Variants in UBXN2A observed in about 807,000 individuals in gnomAD.
The protein encoded by UBXN2A is UBX domain protein 2A.
Under a neutral mutation model 28.4 loss-of-function variants are expected in UBXN2A, and 28 were observed. That is an observed-to-expected ratio of 0.99 (90% CI 0.73 to 1.35). The LOEUF (loss-of-function observed/expected upper bound fraction) is 1.35. Among genes scored for constraint, UBXN2A ranks in the 40% most tolerant of loss-of-function variants. The pLI, the probability that UBXN2A is intolerant of heterozygous loss-of-function variation, is 0.00. For missense variants in UBXN2A, 253 were observed against 297.9 expected (o/e 0.85, Z 1.11); for synonymous variants, 97 against 103.6 (o/e 0.94, Z 0.39).
intron 1 of UBXN2A, chr2:23,944,315 T>C: frequency 6.2e-7 from 1 of 1,604,464 alleles, no homozygotes; most frequent in Non-Finnish European, 8.5e-7. Flanking sequence ...TTGTCCTGGT[T>C]CTTACTGTGT....
In UBXN2A at chr2:23,987,983, C is replaced by T. The variant is rs1193880839; in HGVS notation, c.584+3152C>T. Among the ~76,000 whole-genome samples, 22 of 151,384 alleles carry T rather than the reference C, an allele frequency of 1.5e-4. No individual in the cohort carries two copies. The South Asian group carries it at 3.8e-3, about 26-fold the overall frequency. On this transcript the variant is annotated intron_variant, in intron 6 of 6. Transcript: ENST00000309033. ...CTAAAAATACAAAAAATTAGCTGGC[C>T]GTCGTGGCGTATGTCTGTAATCTCA...
intron 1 of UBXN2A, among the ~76,000 whole-genome samples, chr2:23,947,600 A>G (rs1181593211): frequency 2.0e-5 from 3 of 152,202 alleles, no homozygotes; most frequent in Non-Finnish European, 4.4e-5. Flanking sequence ...GTTCATTTGC[A>G]TGTTACTAAA....
At chr2:23,984,882 A>G (rs771291520) in intron 6 of UBXN2A, 51 bp downstream of exon 6, 31 of 1,521,758 alleles carry the variant, frequency 2.0e-5, no homozygotes, top group Admixed American at 2.6e-5. Flanking sequence ...TTAAAATTTC[A>G]TTTTTTCTTT....
In UBXN2A at chr2:24,000,018, T is replaced by C. The variant is rs1399978317; in HGVS notation, c.*151T>C. 1.4e-5 allele frequency: 10 copies of C among 708,988 alleles called. No homozygotes were observed. The highest frequency in any genetic ancestry group is 2.1e-5 in the Non-Finnish European group (9 of 437,166). The allele number at this position is 708,988 out of a possible 1,614,324, so 43.9% of individuals were successfully genotyped here. On this transcript the variant is annotated 3_prime_UTR_variant, in exon 7 of 7. Coordinates refer to ENST00000309033, the MANE Select transcript of UBXN2A (RefSeq NM_181713.4). Reference sequence around the variant, plus strand: ...CCTGATGAGAAGATGTTTAGATAAGTACAAGTTAAGAAAGTAGCATATGAC... The same window carrying C: ...CCTGATGAGAAGATGTTTAGATAAGCACAAGTTAAGAAAGTAGCATATGAC...
In UBXN2A at chr2:24,001,955, T is replaced by A. The variant is rs996117258; in HGVS notation, c.*2088T>A. The A allele has an allele frequency of 9.4e-5, 14 of 148,938 alleles. No individual in the cohort carries two copies. Among genetic ancestry groups the A allele is most frequent in the Non-Finnish European group, 1.5e-5 (1 of 67,528 alleles). 9.2% of individuals were successfully genotyped at this position (148,938 alleles called of 1,614,324 possible). Reference sequence around the variant, plus strand: ...CAGCCTGGTGACGGAGCGAGACTCTTTCTCAAAAAAAAAAAATTATTCATT... The same window carrying A: ...CAGCCTGGTGACGGAGCGAGACTCTATCTCAAAAAAAAAAAATTATTCATT... On this transcript the variant is annotated 3_prime_UTR_variant, in exon 7 of 7. Transcript: ENST00000309033.
At chr2:23,994,997 G>T (rs1272111892) in intron 6 of UBXN2A, among the ~76,000 whole-genome samples, 1 of 152,214 alleles carries the variant, frequency 6.6e-6, no homozygotes, top group Admixed American at 6.5e-5. Flanking sequence ...AAACTCTAGA[G>T]TCTGTGTGCC....
chr2:23,947,196 A>C (rs1362140343), intron 1 of UBXN2A, among the ~76,000 whole-genome samples: 2 of 152,176 alleles, frequency 1.3e-5, no homozygotes, highest in East Asian at 1.9e-4. Flanking sequence ...GCCTAACGTA[A>C]GCATTTTAAA....
intron 2 of UBXN2A, among the ~76,000 whole-genome samples, chr2:23,970,183 C>T (rs1707353792): frequency 6.6e-6 from 1 of 152,054 alleles, no homozygotes; most frequent in Non-Finnish European, 1.5e-5. Context: ...ACTTGGGGGT[C>T]TGAAGTGGGA....
intron 4 of UBXN2A, among the ~76,000 whole-genome samples, chr2:23,982,123 G>A (rs948133164): frequency 2.6e-5 from 4 of 151,682 alleles, no homozygotes; most frequent in Non-Finnish European, 4.4e-5. Context: ...ACTTTGGGAG[G>A]CTGAGGCGGG....
In UBXN2A at chr2:23,982,921, A is replaced by G. The variant is rs1342796961; in HGVS notation, c.313A>G (p.Ile105Val). ...GGAATTACCTTCAGAATTACAGGGA[A>G]TTTTTGATAAAGAAGAGGTGGACGT... ...KGELPSELQGIFDKEEVDVKV... is the reference protein window; with the variant it reads ...KGELPSELQGVFDKEEVDVKV... The change falls in exon 5 of 7, where the codon ATT becomes GTT. Residue 105 changes from isoleucine (I) to valine (V), a missense_variant. Coordinates refer to ENST00000309033, the MANE Select transcript of UBXN2A (RefSeq NM_181713.4). The G allele has an allele frequency of 6.2e-7, 1 of 1,608,300 alleles. No homozygotes were observed. Among genetic ancestry groups the G allele is most frequent in the Non-Finnish European group, 8.5e-7 (1 of 1,177,610 alleles).
rs1335044001 is a variant in UBXN2A, at chr2:24,001,808, A to G, written c.*1941A>G. ...CCCCGTCTCTACTAAAAATACAAAA[A>G]AAATTAGCTGGGTGTGGTGGCATGC... On this transcript the variant is annotated 3_prime_UTR_variant, in exon 7 of 7. Coordinates refer to ENST00000309033, the MANE Select transcript of UBXN2A (RefSeq NM_181713.4). 6.6e-6 allele frequency: 1 copy of G among 151,920 alleles called. No individual in the cohort carries two copies. 9.4% of individuals were successfully genotyped at this position (151,920 alleles called of 1,614,324 possible). A position where few individuals can be genotyped will look rare whatever the true frequency, so the allele number is the denominator to read the frequency against.
chr2:23,959,748 A>G (rs956759565), intron 2 of UBXN2A, among the ~76,000 whole-genome samples: 1 of 152,194 alleles, frequency 6.6e-6, no homozygotes, highest in Non-Finnish European at 1.5e-5. Context: ...TTCCCCCAGT[A>G]ACAAGTTGTG....
At chr2:23,972,917 G>A (rs543472786) in intron 3 of UBXN2A, among the ~76,000 whole-genome samples, 2 of 152,224 alleles carry the variant, frequency 1.3e-5, no homozygotes, top group East Asian at 3.9e-4. Flanking sequence ...TATACATAAA[G>A]TATTTCTACA....
intron 6 of UBXN2A, chr2:23,997,076 T>G (rs761707473): frequency 6.6e-5 from 10 of 152,134 alleles, no homozygotes; most frequent in Non-Finnish European, 1.3e-4. Context: ...CATGTGCCAC[T>G]GCGCCCAGTG....
intron 2 of UBXN2A, among the ~76,000 whole-genome samples, chr2:23,966,639 G>C (rs941703154): frequency 2.3e-4 from 34 of 146,974 alleles, no homozygotes; most frequent in African/African-American, 8.5e-4. Context: ...TTTTAGTAGA[G>C]ACGGGGTTTC....
intron 2 of UBXN2A, among the ~76,000 whole-genome samples, chr2:23,967,469 T>C (rs1707225295): frequency 6.6e-6 from 1 of 152,212 alleles, no homozygotes; most frequent in Non-Finnish European, 1.5e-5. Flanking sequence ...CCAGTATGTA[T>C]ACTGATACTT....
intron 1 of UBXN2A, among the ~76,000 whole-genome samples, chr2:23,947,162 T>G (rs1051827339): frequency 2.0e-5 from 3 of 152,158 alleles, no homozygotes; most frequent in African/African-American, 7.2e-5. Flanking sequence ...GTGCTGAGAT[T>G]ACAGGGGTGC....
In UBXN2A at chr2:24,003,290, A is replaced by G. The variant is rs1708751878; in HGVS notation, c.*3423A>G. ...ACTGAAACACATCTGCTAGACCACTAAGTTTATCCTTGTCACCCAGTTTGC... is the reference window on the plus strand; with the variant it reads ...ACTGAAACACATCTGCTAGACCACTGAGTTTATCCTTGTCACCCAGTTTGC... On this transcript the variant is annotated 3_prime_UTR_variant, in exon 7 of 7. Coordinates refer to ENST00000309033, the MANE Select transcript of UBXN2A (RefSeq NM_181713.4). 1 of 152,216 alleles carries G rather than the reference A, an allele frequency of 6.6e-6. No individual in the cohort carries two copies. The highest frequency in any genetic ancestry group is 2.1e-4 in the South Asian group (1 of 4,832). The allele number at this position is 152,216 out of a possible 1,614,324, so 9.4% of individuals were successfully genotyped here.
At chr2:23,943,073 A>G (rs1705850828) in intron 1 of UBXN2A, among the ~76,000 whole-genome samples, 1 of 151,558 alleles carries the variant, frequency 6.6e-6, no homozygotes, top group South Asian at 2.1e-4. Context: ...CTCCTGCCTC[A>G]GCCTCCCGAG....
Sources: allele counts gnomAD v4.1 joint callset (sites outside exome capture counted in the v4.1 genomes callset), GRCh38; gene constraint gnomAD v4.1.1; transcripts MANE v1.5; gene names NCBI Gene and HGNC (gene_info 2026-07-23, HGNC 2026-07-21).